The following ACOXL variants were observed in gnomAD, a reference collection of about 807,000 sequenced individuals.
ACOXL encodes the protein acyl-CoA oxidase like.
Under a neutral mutation model 71.9 loss-of-function variants are expected in ACOXL, and 70 were observed. That is an observed-to-expected ratio of 0.97 (90% CI 0.80 to 1.19). The LOEUF (loss-of-function observed/expected upper bound fraction) is 1.19, where lower values mean the gene tolerates loss of function less well. Ranked by LOEUF, ACOXL falls within the 50% of genes most tolerant of loss-of-function variation. The pLI is 0.00. For synonymous variants in ACOXL, 253 were observed against 281.6 expected (o/e 0.90, Z 1.02); for missense variants, 703 against 736.3 (o/e 0.95, Z 0.52).
Position 110,995,499 on chromosome 2 carries a change from CAAAAAAAAAA to C in ACOXL, c.1170-384_1170-375del, listed in dbSNP as rs567318996. Reference sequence around the variant, plus strand: ...TGGGAAACAGAGTGAGACTCTGTCTCAAAAAAAAAAAAAAAAAAAGAATTGTATAATGATT... The same window carrying C: ...TGGGAAACAGAGTGAGACTCTGTCTCAAAAAAAAAGAATTGTATAATGATT... On this transcript the variant is annotated intron_variant, in intron 13 of 17. Transcript: ENST00000439055. Among the ~76,000 whole-genome samples, 52 of 67,290 alleles carry C rather than the reference CAAAAAAAAAA, an allele frequency of 7.7e-4. 1 individual carries two copies. The highest frequency in any genetic ancestry group is 2.5e-3 in the Admixed American group (11 of 4,372). 44.1% of individuals were successfully genotyped at this position (67,290 alleles called of 152,430 possible).
chr2:110,821,404 T>G lies in ACOXL; in HGVS notation c.753+16009T>G, dbSNP rs556566531. 2.6e-5 allele frequency among the ~76,000 whole-genome samples: 4 copies of G among 152,278 alleles called. No homozygotes were observed. In the South Asian group the frequency reaches 6.2e-4, roughly 24 times the overall value. ...GCTGGTCTGAGCTCCAAAGAAGAGC[T>G]GGACCCCTATATGCAGCGGGGCCCA... On this transcript the variant is annotated intron_variant, in intron 9 of 17. Coordinates refer to ENST00000439055, the MANE Select transcript of ACOXL (RefSeq NM_001142807.4).
chr2:110,823,699 C>T (rs1688874540), intron 9 of ACOXL, among the ~76,000 whole-genome samples: 1 of 152,206 alleles, frequency 6.6e-6, no homozygotes. Flanking sequence ...TCCTAATTTG[C>T]ATTTCCCTGA....
intron 9 of ACOXL, among the ~76,000 whole-genome samples, chr2:110,832,522 G>A (rs545561807): frequency 6.8e-6 from 1 of 147,490 alleles, no homozygotes; most frequent in Admixed American, 6.8e-5. Flanking sequence ...TCCGGCCTGG[G>A]CGACAGAGCG....
intron 2 of ACOXL, among the ~76,000 whole-genome samples, chr2:110,783,337 T>A (rs1023215469): frequency 1.3e-5 from 2 of 152,336 alleles, no homozygotes; most frequent in South Asian, 4.1e-4. Context: ...GAGCTGAAGC[T>A]GGAGCCATGC....
intron 2 of ACOXL, among the ~76,000 whole-genome samples, chr2:110,775,076 A>G (rs1414669705): frequency 6.6e-6 from 1 of 152,244 alleles, no homozygotes; most frequent in Non-Finnish European, 1.5e-5. Context: ...GGAAAGAGCA[A>G]TCTTCTCAAC....
intron 17 of ACOXL, among the ~76,000 whole-genome samples, chr2:111,097,440 A>G (rs2068866278): frequency 6.6e-6 from 1 of 152,230 alleles, no homozygotes; most frequent in Admixed American, 6.5e-5. Flanking sequence ...CATTTATTTT[A>G]TCTGGATAAA....
rs118093642 is a variant in ACOXL, at chr2:111,030,360, G to A, written c.1282-1267G>A. On this transcript the variant is annotated intron_variant, in intron 14 of 17. Transcript: ENST00000439055. ...TTTCAGTTGTAATTGTGACACCAGT[G>A]CAGAGAGATATCAATTCAGGGAGCA... Among the ~76,000 whole-genome samples, 54 of 152,310 alleles carry A rather than the reference G, an allele frequency of 3.5e-4. 1 individual carries two copies. The East Asian group carries it at 9.8e-3, about 28-fold the overall frequency.
chr2:110,840,243 C>A (rs575756638), intron 9 of ACOXL, among the ~76,000 whole-genome samples: 1 of 152,242 alleles, frequency 6.6e-6, no homozygotes, highest in African/African-American at 2.4e-5. Context: ...GCTAGTGAAA[C>A]TTACATAGGC....
At chr2:111,057,266 G>A (rs954990021) in intron 16 of ACOXL, among the ~76,000 whole-genome samples, 7 of 152,176 alleles carry the variant, frequency 4.6e-5, no homozygotes, top group Admixed American at 3.9e-4. Flanking sequence ...TGTTTCAGGT[G>A]CACTGATGCA....
In ACOXL at chr2:110,791,962, C is replaced by T. The variant is rs554164674; in HGVS notation, c.160-1688C>T. 7.9e-5 allele frequency among the ~76,000 whole-genome samples: 12 copies of T among 152,312 alleles called. No individual in the cohort carries two copies. In the South Asian group the frequency reaches 2.3e-3, roughly 29 times the overall value. Reference sequence around the variant, plus strand: ...CTCTGCCATCTCTCAACTCTGCCTCCTTCCCCCAACCGGGTCCTCATACAT... The same window carrying T: ...CTCTGCCATCTCTCAACTCTGCCTCTTTCCCCCAACCGGGTCCTCATACAT... On this transcript the variant is annotated intron_variant, in intron 3 of 17. Coordinates refer to ENST00000439055, the MANE Select transcript of ACOXL (RefSeq NM_001142807.4).
chr2:110,803,763 A>G (rs1020061552), intron 8 of ACOXL, among the ~76,000 whole-genome samples: 1 of 152,224 alleles, frequency 6.6e-6, no homozygotes, highest in Non-Finnish European at 1.5e-5. Flanking sequence ...TGTAAGTCAT[A>G]TATATTAATA....
intron 17 of ACOXL, among the ~76,000 whole-genome samples, chr2:111,106,323 T>C (rs2069537024): frequency 6.6e-6 from 1 of 152,210 alleles, no homozygotes; most frequent in Non-Finnish European, 1.5e-5. Flanking sequence ...GAGTTTTTAA[T>C]TTGGGTCATT....
chr2:110,756,980 G>A (rs994475343), intron 1 of ACOXL, among the ~76,000 whole-genome samples: 1 of 152,028 alleles, frequency 6.6e-6, no homozygotes, highest in African/African-American at 2.4e-5. Context: ...GTGGTTTGCT[G>A]TACAGATCAT....
chr2:110,881,904 T>C (rs1696698760), intron 10 of ACOXL, among the ~76,000 whole-genome samples: 2 of 149,754 alleles, frequency 1.3e-5, no homozygotes, highest in South Asian at 4.2e-4. Context: ...TTTTTTTTAT[T>C]GGGGAGCTGT....
intron 2 of ACOXL, among the ~76,000 whole-genome samples, chr2:110,778,380 A>G (rs1013229913): frequency 1.3e-4 from 20 of 152,354 alleles, no homozygotes; most frequent in South Asian, 6.2e-4. Flanking sequence ...GCAAAATTCT[A>G]TTGTCCAAAA....
chr2:110,774,149 C>T (rs755194844), intron 2 of ACOXL, among the ~76,000 whole-genome samples: 22 of 152,266 alleles, frequency 1.4e-4, no homozygotes, highest in Middle Eastern at 3.4e-3. Context: ...CTTCCGTGTG[C>T]CAGGTGAGGT....
At chr2:111,059,813 G>A (rs1438436645) in intron 16 of ACOXL, among the ~76,000 whole-genome samples, 3 of 151,650 alleles carry the variant, frequency 2.0e-5, no homozygotes, top group Non-Finnish European at 2.9e-5. Context: ...GGAGGAGGAG[G>A]AGAAGGAAGA....
At chr2:110,981,860 A>C (rs1465598639) in intron 12 of ACOXL, among the ~76,000 whole-genome samples, 2 of 152,126 alleles carry the variant, frequency 1.3e-5, no homozygotes, top group East Asian at 3.9e-4. Context: ...TATCTTTTTA[A>C]TGTTCCCTAT....
intron 12 of ACOXL, among the ~76,000 whole-genome samples, chr2:110,960,952 G>A (rs1470816092): frequency 1.3e-5 from 2 of 152,204 alleles, no homozygotes; most frequent in Non-Finnish European, 2.9e-5. Context: ...CATGGATGCT[G>A]GGACTTTCTA....
Sources: allele counts gnomAD v4.1 joint callset (sites outside exome capture counted in the v4.1 genomes callset), GRCh38; gene constraint gnomAD v4.1.1; transcripts MANE v1.5; gene names NCBI Gene and HGNC (gene_info 2026-07-23, HGNC 2026-07-21).